Variants in KHNYN observed in about 807,000 individuals in gnomAD.
KHNYN encodes the protein KH and NYN domain containing.
A neutral mutation model predicts 62.7 loss-of-function variants in KHNYN; 42 were observed. The observed-to-expected ratio is 0.67, with a 90% CI of 0.52 to 0.87. KHNYN has a LOEUF of 0.87. Among genes scored for constraint, KHNYN ranks in the 40% least tolerant of loss-of-function variants. The pLI, the probability that KHNYN is intolerant of heterozygous loss-of-function variation, is 0.00. For synonymous variants in KHNYN, 347 were observed against 345.6 expected, an observed-to-expected ratio of 1.00 and a Z score of -0.04; for missense variants, 829 against 874.1, an observed-to-expected ratio of 0.95 and a Z score of 0.65.
chr14:24,435,813 C>T, intron 5 of KHNYN: 1 of 508,586 alleles, frequency 2.0e-6, no homozygotes, highest in Non-Finnish European at 3.5e-6. Context: ...AGGTAGGGGG[C>T]CAGATCTCCA....
At chr14:24,424,348 T>C (rs2043000975), upstream of KHNYN, among the ~76,000 whole-genome samples, 1 of 152,222 alleles carries the variant, frequency 6.6e-6, no homozygotes, top group African/African-American at 2.4e-5. Flanking sequence ...ATCTTGTATA[T>C]ATCATGGGAA....
chr14:24,428,979 C>A (rs1480710022), upstream of KHNYN: 3 of 1,550,562 alleles, frequency 1.9e-6, no homozygotes, highest in Non-Finnish European at 2.6e-6. Flanking sequence ...GCCCCCAGGG[C>A]CAGAAGCACC....
In KHNYN at chr14:24,436,991, C is replaced by G. The variant is rs539158696; in HGVS notation, c.1788-45C>G. The G allele has an allele frequency of 1.0e-4, 161 of 1,578,496 alleles. 2 individuals carry two copies. The South Asian group carries it at 1.6e-3, about 16-fold the overall frequency. ...GGGGTGCCCACTAAGATCTAATTTC[C>G]CCCCCAGGATGCTCATCAGCTCTTT... is the stretch of plus-strand genomic sequence containing the variant. On this transcript the variant is annotated intron_variant, in intron 7 of 7. Transcript: ENST00000553935.
Position 24,431,647 on chromosome 14 carries a change from T to A in KHNYN, c.386T>A (p.Val129Asp). 2 of 1,614,024 alleles carry A rather than the reference T, an allele frequency of 1.2e-6. No homozygotes were observed. Among genetic ancestry groups the A allele is most frequent in the Non-Finnish European group, 1.7e-6 (2 of 1,179,928 alleles). The change falls in exon 3 of 8, where the codon GTC (valine) becomes GAC (aspartate). Residue 129 changes from valine to aspartate, a missense_variant. Transcript: ENST00000553935. ...LMISGLTEAF[V>D]MAQSRVEELA... The stretch of plus-strand genomic sequence containing the variant: ...ATCAGTGGCCTGACTGAAGCCTTTG[T>A]CATGGCTCAGAGCCGGGTAGAAGAG...
chr14:24,429,820 C>G (rs1566494900), upstream of KHNYN: 6 of 1,060,680 alleles, frequency 5.7e-6, no homozygotes, highest in East Asian at 1.1e-4. Context: ...GGGGCGAGCC[C>G]TGGAGCCGCC....
rs1476291455 is a variant in KHNYN at position 24,431,644 on chromosome 14, T to G, written c.383T>G (p.Phe128Cys). Residue 128 changes from phenylalanine (F) to cysteine (C), a missense_variant, in exon 3 of 8, where the codon TTT (phenylalanine) becomes TGT (cysteine). By Grantham distance (205) the Phe-to-Cys change is radical. Coordinates refer to ENST00000553935, the MANE Select transcript of KHNYN (RefSeq NM_015299.3). ...SLMISGLTEA[F>C]VMAQSRVEEL... ...ATGATCAGTGGCCTGACTGAAGCCTTTGTCATGGCTCAGAGCCGGGTAGAA... is the reference window on the plus strand; with the variant it reads ...ATGATCAGTGGCCTGACTGAAGCCTGTGTCATGGCTCAGAGCCGGGTAGAA... 1 of 1,613,824 alleles carries G rather than the reference T, an allele frequency of 6.2e-7. No homozygotes were observed. Among genetic ancestry groups the G allele is most frequent in the Non-Finnish European group, 8.5e-7 (1 of 1,179,920 alleles).
Position 24,432,101 on chromosome 14 carries a change from G to A in KHNYN, c.840G>A (p.Ala280=), listed in dbSNP as rs201865363. ...WGWKELPGEE[A]WEREVALRPQ... is the part of the protein sequence containing the mutation. Reference sequence around the variant, plus strand: ...GGAAGGAGTTGCCTGGGGAAGAGGCGTGGGAGAGAGAAGTGGCCCTCAGGC... The same window carrying A: ...GGAAGGAGTTGCCTGGGGAAGAGGCATGGGAGAGAGAAGTGGCCCTCAGGC... The change falls in exon 3 of 8, where the codon GCG becomes GCA. Residue 280 remains alanine (A), a synonymous_variant. Transcript: ENST00000553935. The surrounding 1 kb of genome is among the most constrained non-coding windows in gnomAD (Gnocchi z 5.6). The A allele has an allele frequency of 1.4e-5, 22 of 1,557,406 alleles. No individual in the cohort carries two copies. Among genetic ancestry groups the A allele is most frequent in the African/African-American group, 4.1e-5 (3 of 73,472 alleles).
At chr14:24,430,614 C>CCTTA in intron 1 of KHNYN, 100 bp from the exon 2 acceptor site, 1 of 1,475,782 alleles carries the variant, frequency 6.8e-7, no homozygotes, top group South Asian at 1.4e-5. Flanking sequence ...TTTACCAGAG[C>CCTTA]CTTAACTAGG....
chr14:24,441,662 T>C lies in KHNYN; in HGVS notation c.*4377T>C, dbSNP rs1294343017. The C allele has an allele frequency of 1.9e-6, 3 of 1,571,618 alleles. No individual in the cohort carries two copies. Among genetic ancestry groups the C allele is most frequent in the Non-Finnish European group, 2.6e-6 (3 of 1,164,778 alleles). ...TGGCGAATATAAGGGGCTGGTGATTTGGGGGGCGTACCTACACCTGTGACT... is the reference window on the plus strand; with the variant it reads ...TGGCGAATATAAGGGGCTGGTGATTCGGGGGGCGTACCTACACCTGTGACT... On this transcript the variant is annotated 3_prime_UTR_variant, in exon 8 of 8. Transcript: ENST00000553935.
upstream of KHNYN, chr14:24,429,047 C>T (rs1201409675): frequency 6.7e-7 from 1 of 1,502,408 alleles, no homozygotes; most frequent in South Asian, 1.3e-5. Context: ...TGGCTTGGCT[C>T]CCAACATGGC....
chr14:24,434,403 ATT>A, intron 5 of KHNYN: 1 of 976,456 alleles, frequency 1.0e-6, no homozygotes, highest in Non-Finnish European at 1.2e-6. Context: ...GTACCATATA[ATT>A]TTTTTTTGGT....
chr14:24,430,238 T>C (rs2043080760), intron 1 of KHNYN, 119 bp downstream of exon 1: 10 of 825,968 alleles, frequency 1.2e-5, no homozygotes, highest in Non-Finnish European at 1.5e-5. Context: ...GCCCGGCCCC[T>C]GGGCCCTGGG....
chr14:24,426,068 A>C (rs1322541266), upstream of KHNYN, among the ~76,000 whole-genome samples: 2 of 152,232 alleles, frequency 1.3e-5, no homozygotes, highest in East Asian at 3.8e-4. Context: ...TTCACTCAGC[A>C]TATTAACTAC....
upstream of KHNYN, chr14:24,427,147 T>C (rs1219151951): frequency 6.5e-6 from 1 of 152,956 alleles, no homozygotes; most frequent in Non-Finnish European, 1.5e-5. The surrounding 1 kb of genome is among the most constrained non-coding windows in gnomAD (Gnocchi z 4.4). Context: ...CAGCCAGGAT[T>C]GCTACCTGCT....
At position 24,436,251 on chromosome 14, in the gene KHNYN, A is replaced by G. The variant is rs2043202635; in HGVS notation, c.1685+72A>G. On this transcript the variant is annotated intron_variant, in intron 6 of 7. Transcript: ENST00000553935. ...TTCTAAAGCCAGCTCTGCTCTGGCC[A>G]TGGGGTGAAAACTCTGGGAAGGAGG... The G allele has an allele frequency of 8.6e-5, 127 of 1,478,482 alleles. 1 individual carries two copies. In the South Asian group the frequency reaches 1.3e-3, roughly 15 times the overall value. The allele number at this position is 1,478,482 out of a possible 1,614,324, so 91.6% of individuals were successfully genotyped here.
At position 24,441,554 on chromosome 14, in the gene KHNYN, G is replaced by A; in HGVS notation, c.*4269G>A. The A allele has an allele frequency of 1.3e-6, 1 of 789,146 alleles. No individual in the cohort carries two copies. The highest frequency in any genetic ancestry group is 1.9e-6 in the Non-Finnish European group (1 of 514,150). The allele number at this position is 789,146 out of a possible 1,614,324, so 48.9% of individuals were successfully genotyped here. ...GTTAGGAGAAACATGCATGGATCAA[G>A]GGCCTAGGAAGTCATTTTGCCTGGA... On this transcript the variant is annotated 3_prime_UTR_variant, in exon 8 of 8. Transcript: ENST00000553935.
At position 24,439,640 on chromosome 14, in the gene KHNYN, G is replaced by C. The variant is rs1397818465; in HGVS notation, c.*2355G>C. 1 of 154,792 alleles carries C rather than the reference G, an allele frequency of 6.5e-6. No individual in the cohort carries two copies. Among genetic ancestry groups the C allele is most frequent in the Non-Finnish European group, 1.4e-5 (1 of 69,906 alleles). The allele number at this position is 154,792 out of a possible 1,614,324, so 9.6% of individuals were successfully genotyped here. On this transcript the variant is annotated 3_prime_UTR_variant, in exon 8 of 8. Transcript: ENST00000553935. ...TTTTGGCAACTGAAGGACCAAGAAG[G>C]GAAACGGTGATGAGAGAGACTGCTC...
Position 24,429,961 on chromosome 14 carries a change from G to A in KHNYN, c.-176G>A, listed in dbSNP as rs1489201812. 1.1e-5 allele frequency: 11 copies of A among 993,580 alleles called. No individual in the cohort carries two copies. Among genetic ancestry groups the A allele is most frequent in the Middle Eastern group, 5.1e-4 (1 of 1,958 alleles). 61.5% of individuals were successfully genotyped at this position (993,580 alleles called of 1,614,324 possible). ...GGAAGTGACTCAAGAAACAGTTTGCGTGCGATGTGGACAAGAGAGGTCCCC... is the reference window on the plus strand; with the variant it reads ...GGAAGTGACTCAAGAAACAGTTTGCATGCGATGTGGACAAGAGAGGTCCCC... On this transcript the variant is annotated 5_prime_UTR_variant, in exon 1 of 8. In the 5' UTR this introduces an upstream ATG that the reference lacks. Coordinates refer to ENST00000553935, the MANE Select transcript of KHNYN (RefSeq NM_015299.3).
chr14:24,432,055 C>G lies in KHNYN; in HGVS notation c.794C>G (p.Pro265Arg), dbSNP rs768400310. Residue 265 changes from proline (P) to arginine (R), a missense_variant, in exon 3 of 8, where the codon CCC becomes CGC. This residue lies in a region of KHNYN where 559 missense variants were observed against 527.0 expected (regional missense o/e 1.06). Coordinates refer to ENST00000553935, the MANE Select transcript of KHNYN (RefSeq NM_015299.3). The surrounding 1 kb of genome is among the most constrained non-coding windows in gnomAD (Gnocchi z 5.6). The stretch of plus-strand genomic sequence containing the variant: ...AAGGAGGGAGGGAAACAGGGTGGTC[C>G]CAGGGAGATGGATTGGGGGTGGAAG... ...VEKEGGKQGGPREMDWGWKEL... is the reference protein window; with the variant it reads ...VEKEGGKQGGRREMDWGWKEL... The G allele has an allele frequency of 4.4e-6, 7 of 1,587,868 alleles. No individual in the cohort carries two copies. The highest frequency in any genetic ancestry group is 6.0e-6 in the Non-Finnish European group (7 of 1,165,438).
Sources: gnomAD v4.1 joint callset for allele counts (sites outside exome capture counted in the v4.1 genomes callset) on GRCh38, gnomAD v4.1.1 for gene constraint, gnomAD v4.1.1 regional missense constraint, Gnocchi (gnomAD v3.1) non-coding constraint, MANE v1.5 for transcripts, NCBI Gene and HGNC (gene_info 2026-07-23, HGNC 2026-07-21) for gene names.